TBL1XR1: variants seen among roughly 807,000 people sequenced by gnomAD.
TBL1XR1 encodes TBL1X/Y related 1.
A neutral mutation model predicts 66.9 loss-of-function variants in TBL1XR1; 5 were observed. The observed-to-expected ratio is 0.07, with a 90% CI of 0.04 to 0.16. The LOEUF is 0.16. Ranked by LOEUF, TBL1XR1 falls within the 10% of genes least tolerant of loss-of-function variation. The pLI, the probability that TBL1XR1 is intolerant of heterozygous loss-of-function variation, is 1.00. For missense variants in TBL1XR1, 238 were observed against 623.2 expected (o/e 0.38, Z 6.58); for synonymous variants, 210 against 206.0 (o/e 1.02, Z -0.17).
chr3:177,060,475 T>A (rs577427458), intron 3 of TBL1XR1, among the ~76,000 whole-genome samples: 1 of 152,170 alleles, frequency 6.6e-6, no homozygotes, highest in Admixed American at 6.5e-5. Context: ...ACAATATAAA[T>A]GGAGAAGTTA....
intron 1 of TBL1XR1, among the ~76,000 whole-genome samples, chr3:177,148,152 T>C (rs1192871845): frequency 1.3e-5 from 2 of 152,200 alleles, no homozygotes; most frequent in East Asian, 3.8e-4. Context: ...AACTCACCAA[T>C]TTAGAATATA....
chr3:177,130,261 G>A (rs1181768444), intron 1 of TBL1XR1, among the ~76,000 whole-genome samples: 4 of 152,002 alleles, frequency 2.6e-5, no homozygotes, highest in Non-Finnish European at 4.4e-5. Context: ...TTGCACACAT[G>A]CAAAATAACT....
At chr3:177,030,900 T>G (rs1417066462) in intron 14 of TBL1XR1, among the ~76,000 whole-genome samples, 1 of 152,082 alleles carries the variant, frequency 6.6e-6, no homozygotes, top group Non-Finnish European at 1.5e-5. Context: ...TGACCTGAGG[T>G]CAGGAGTCTG....
chr3:177,059,967 A>C (rs1650294897), intron 3 of TBL1XR1, among the ~76,000 whole-genome samples: 2 of 152,164 alleles, frequency 1.3e-5, no homozygotes, highest in South Asian at 4.1e-4. Context: ...CGAACATCAG[A>C]TTCCAAGTTC....
intron 1 of TBL1XR1, among the ~76,000 whole-genome samples, chr3:177,117,844 A>T (rs1242119212): frequency 5.3e-5 from 8 of 152,220 alleles, no homozygotes; most frequent in Non-Finnish European, 1.2e-4. Flanking sequence ...AGTATTAAAG[A>T]GCAGAATGGG....
At chr3:177,107,181 C>CA (rs957994358) in intron 1 of TBL1XR1, among the ~76,000 whole-genome samples, 1 of 152,008 alleles carries the variant, frequency 6.6e-6, no homozygotes, top group African/African-American at 2.4e-5. Flanking sequence ...TTTGGACACA[C>CA]AAAAAATATA....
intron 10 of TBL1XR1, among the ~76,000 whole-genome samples, chr3:177,043,219 C>T (rs189994611): frequency 1.3e-5 from 2 of 152,142 alleles, no homozygotes; most frequent in African/African-American, 4.8e-5. Context: ...CTTCCCTCTT[C>T]CCATCTTCTC....
At chr3:177,142,018 A>G (rs894219249) in intron 1 of TBL1XR1, among the ~76,000 whole-genome samples, 72 of 152,236 alleles carry the variant, frequency 4.7e-4, no homozygotes, top group Admixed American at 4.4e-3. Flanking sequence ...AAGACAGAAA[A>G]TAAGAATAGT....
At chr3:177,120,345 C>T (rs1031985524) in intron 1 of TBL1XR1, among the ~76,000 whole-genome samples, 1 of 152,176 alleles carries the variant, frequency 6.6e-6, no homozygotes, top group East Asian at 1.9e-4. Context: ...ATGCTGATAA[C>T]ATACCAGTCA....
intron 1 of TBL1XR1, among the ~76,000 whole-genome samples, chr3:177,166,508 G>A (rs1732840908): frequency 6.6e-6 from 1 of 152,168 alleles, no homozygotes; most frequent in African/African-American, 2.4e-5. Flanking sequence ...GGATCATGCA[G>A]CTTCCCCCAT....
intron 1 of TBL1XR1, among the ~76,000 whole-genome samples, chr3:177,119,465 A>G (rs1442745829): frequency 6.6e-6 from 1 of 152,166 alleles, no homozygotes; most frequent in Non-Finnish European, 1.5e-5. Flanking sequence ...AGATAAGTAA[A>G]TAGACATGAA....
At chr3:177,078,444 G>T (rs1386948649) in intron 2 of TBL1XR1, among the ~76,000 whole-genome samples, 1 of 151,756 alleles carries the variant, frequency 6.6e-6, no homozygotes, top group African/African-American at 2.4e-5. Flanking sequence ...AATTAGCCAG[G>T]TATGGTGGCA....
chr3:177,134,971 G>GTC (rs1553852561), intron 1 of TBL1XR1, among the ~76,000 whole-genome samples: 19 of 146,066 alleles, frequency 1.3e-4, no homozygotes, highest in Admixed American at 2.8e-4. Flanking sequence ...GTGTGTCTGT[G>GTC]TGTGTGTCTG....
At chr3:177,138,762 G>A (rs62296582) in intron 1 of TBL1XR1, among the ~76,000 whole-genome samples, 3 of 151,940 alleles carry the variant, frequency 2.0e-5, no homozygotes, top group Non-Finnish European at 4.4e-5. Context: ...GAAAAAGGAG[G>A]GAAAGAGGAA....
intron 1 of TBL1XR1, among the ~76,000 whole-genome samples, chr3:177,121,576 T>A (rs1363292532): frequency 6.6e-6 from 1 of 152,194 alleles, no homozygotes; most frequent in Admixed American, 6.5e-5. Flanking sequence ...ATAAATTACA[T>A]GCATTAACGT....
intron 12 of TBL1XR1, among the ~76,000 whole-genome samples, chr3:177,034,845 C>CG (rs1714544124): frequency 6.6e-6 from 1 of 151,658 alleles, no homozygotes; most frequent in Non-Finnish European, 1.5e-5. Context: ...AGAGAATAAG[C>CG]CTTTCCTGAG....
At chr3:177,154,608 G>C (rs1458012796) in intron 1 of TBL1XR1, among the ~76,000 whole-genome samples, 1 of 152,014 alleles carries the variant, frequency 6.6e-6, no homozygotes, top group Non-Finnish European at 1.5e-5. Context: ...TGTTGGCCAG[G>C]CTGGTCTCAA....
chr3:177,027,864 A>G (rs898187244), intron 14 of TBL1XR1: 1 of 152,200 alleles, frequency 6.6e-6, no homozygotes. Context: ...GTAGGCTTTG[A>G]GTATCTATAG....
Position 177,021,381 on chromosome 3 carries a change from A to T in TBL1XR1, c.*4117T>A, listed in dbSNP as rs1441457336. On this transcript the variant is annotated 3_prime_UTR_variant, in exon 16 of 16. Coordinates refer to ENST00000457928, the MANE Select transcript of TBL1XR1 (RefSeq NM_024665.7). ...CATGAAACAGCTTACAAAAAAAAAA[A>T]AAATATATGCCCTAGTTATTCACCC... is the stretch of plus-strand genomic sequence containing the variant. The T allele has an allele frequency of 1.3e-5, 2 of 152,540 alleles. No homozygotes were observed. Among genetic ancestry groups the T allele is most frequent in the African/African-American group, 4.8e-5 (2 of 41,444 alleles). The allele number at this position is 152,540 out of a possible 1,614,324, so 9.4% of individuals were successfully genotyped here. A position where few individuals can be genotyped will look rare whatever the true frequency, so the allele number is the denominator to read the frequency against.
Sources: gnomAD v4.1 joint callset for allele counts (sites outside exome capture counted in the v4.1 genomes callset) on GRCh38, gnomAD v4.1.1 for gene constraint, MANE v1.5 for transcripts, NCBI Gene and HGNC (gene_info 2026-07-23, HGNC 2026-07-21) for gene names.